Variants in SIPA1L2 observed in about 807,000 individuals in gnomAD.
SIPA1L2 encodes signal induced proliferation associated 1 like 2, also known as signal-induced proliferation-associated 1-like protein 2.
SIPA1L2 carries 56 observed loss-of-function variants against 163.9 expected under a neutral mutation model. The observed-to-expected ratio is 0.34, with a 90% confidence interval of 0.28 to 0.43. SIPA1L2 has a LOEUF of 0.43. SIPA1L2 is among the 20% of genes least tolerant of loss of function. SIPA1L2 has a pLI of 1.00. For synonymous variants in SIPA1L2, 877 were observed against 865.7 expected (o/e 1.01, Z -0.23); for missense variants, 1,974 against 2,193.5 (o/e 0.90, Z 2.00).
At chr1:232,492,529 A>G (rs1268105650) in intron 4 of SIPA1L2, among the ~76,000 whole-genome samples, 2 of 152,182 alleles carry the variant, frequency 1.3e-5, no homozygotes, top group Admixed American at 6.5e-5. Context: ...AATTCTTTAT[A>G]TAAATCAATA....
chr1:232,420,131 G>A (rs1661483277), intron 18 of SIPA1L2, among the ~76,000 whole-genome samples: 1 of 152,038 alleles, frequency 6.6e-6, no homozygotes, highest in Non-Finnish European at 1.5e-5. Flanking sequence ...AGACCAACCT[G>A]GCTAACATGG....
intron 3 of SIPA1L2, among the ~76,000 whole-genome samples, chr1:232,501,490 A>G (rs1267295338): frequency 6.6e-6 from 1 of 152,050 alleles, no homozygotes; most frequent in African/African-American, 2.4e-5. Context: ...TGTCCCAGGG[A>G]AGGCACCTCC....
At chr1:232,512,632 C>T (rs1017647283) in intron 3 of SIPA1L2, among the ~76,000 whole-genome samples, 3 of 152,044 alleles carry the variant, frequency 2.0e-5, no homozygotes, top group Admixed American at 6.6e-5. Flanking sequence ...GAAAACCAAA[C>T]GCTGCATGTT....
intron 10 of SIPA1L2, among the ~76,000 whole-genome samples, chr1:232,452,352 C>A (rs371502143): frequency 1.3e-4 from 20 of 152,144 alleles, no homozygotes; most frequent in African/African-American, 4.8e-4. Context: ...ACAGACACCA[C>A]GGTCACTGCC....
At chr1:232,431,804 C>G (rs937933584) in intron 16 of SIPA1L2, among the ~76,000 whole-genome samples, 2 of 152,214 alleles carry the variant, frequency 1.3e-5, no homozygotes, top group South Asian at 2.1e-4. Flanking sequence ...ACCACGCCCC[C>G]CTCAACCTCA....
In SIPA1L2 at chr1:232,424,957, C is replaced by T. The variant is rs560248558; in HGVS notation, c.4630+632G>A. 2.8e-4 allele frequency among the ~76,000 whole-genome samples: 42 copies of T among 152,216 alleles called. 1 individual carries two copies. The South Asian group carries it at 8.5e-3, about 31-fold the overall frequency. On this transcript the variant is annotated intron_variant, in intron 18 of 22. Coordinates refer to ENST00000674635, the MANE Select transcript of SIPA1L2 (RefSeq NM_020808.5). ...CCTTAAAAACTGACATTAATGAAGACTTGACACTACATAAAAATCAAAGAT... is the reference window on the plus strand; with the variant it reads ...CCTTAAAAACTGACATTAATGAAGATTTGACACTACATAAAAATCAAAGAT...
intron 2 of SIPA1L2, among the ~76,000 whole-genome samples, chr1:232,534,086 A>G (rs1657155676): frequency 6.6e-6 from 1 of 151,682 alleles, no homozygotes; most frequent in South Asian, 2.1e-4. Flanking sequence ...AGCCAAAACA[A>G]TCTTGAAAAA....
At chr1:232,579,934 G>A (rs1292482377) in intron 1 of SIPA1L2, among the ~76,000 whole-genome samples, 2 of 152,168 alleles carry the variant, frequency 1.3e-5, no homozygotes, top group East Asian at 1.9e-4. Context: ...CCAGGAGAGG[G>A]TTCTTGGGTC....
At chr1:232,495,839 T>C (rs1384540047) in intron 3 of SIPA1L2, among the ~76,000 whole-genome samples, 1 of 152,094 alleles carries the variant, frequency 6.6e-6, no homozygotes, top group Non-Finnish European at 1.5e-5. Context: ...GAAAAGTAAA[T>C]TCTTTTAAGT....
At chr1:232,578,785 G>C (rs191068171) in intron 1 of SIPA1L2, among the ~76,000 whole-genome samples, 2 of 152,062 alleles carry the variant, frequency 1.3e-5, no homozygotes, top group African/African-American at 4.8e-5. Flanking sequence ...TTTAACTGAC[G>C]GCTTTTGTTT....
At chr1:232,592,525 GAAAAT>G (rs1362797049) in intron 1 of SIPA1L2, among the ~76,000 whole-genome samples, 2 of 152,116 alleles carry the variant, frequency 1.3e-5, no homozygotes. Flanking sequence ...GTTTATATGT[GAAAAT>G]AAAATAAAAA....
intron 1 of SIPA1L2, among the ~76,000 whole-genome samples, chr1:232,576,086 G>A (rs753438689): frequency 1.2e-4 from 19 of 152,196 alleles, no homozygotes; most frequent in Admixed American, 2.6e-4. Context: ...AATGGATGAT[G>A]GTGATGGTTG....
At chr1:232,546,770 T>C (rs1025685388) in intron 2 of SIPA1L2, among the ~76,000 whole-genome samples, 3 of 152,214 alleles carry the variant, frequency 2.0e-5, no homozygotes, top group Non-Finnish European at 4.4e-5. Flanking sequence ...TTAAGACATG[T>C]TGACAGCGAT....
intron 9 of SIPA1L2, among the ~76,000 whole-genome samples, chr1:232,461,432 G>A (rs1261612876): frequency 6.6e-6 from 1 of 152,248 alleles, no homozygotes; most frequent in Non-Finnish European, 1.5e-5. Flanking sequence ...AGTCATATCT[G>A]TTCTTGATAC....
intron 2 of SIPA1L2, among the ~76,000 whole-genome samples, chr1:232,517,084 G>T (rs1372074979): frequency 6.6e-6 from 1 of 152,068 alleles, no homozygotes; most frequent in African/African-American, 2.4e-5. Context: ...TTATTTTACA[G>T]GTCACTTGTG....
rs781777041 is a variant in SIPA1L2, at chr1:232,415,547, G to A, written c.4709C>T (p.Thr1570Ile). The A allele has an allele frequency of 6.2e-7, 1 of 1,613,868 alleles. No homozygotes were observed. Among genetic ancestry groups the A allele is most frequent in the South Asian group, 1.1e-5 (1 of 91,000 alleles). The change falls in exon 19 of 23, where the codon ACA becomes ATA. Residue 1570 changes from threonine to isoleucine, a missense_variant. Thr to Ile is a moderately conservative substitution (Grantham distance 89). This residue lies in a region of SIPA1L2 where 1,079 missense variants were observed against 1,150.7 expected (regional missense o/e 0.94). Transcript: ENST00000674635. ...ADPGLMPLPD[T>I]ATGLDWTHLV... is the part of the protein sequence containing the mutation. ...GTGGGTCCAATCTAACCCTGTGGCT[G>A]TGTCCGGGAGGGGCATCAGGCCAGG... is the stretch of plus-strand genomic sequence containing the variant.
chr1:232,490,790 A>G, intron 5 of SIPA1L2, 84 bp downstream of exon 5: 2 of 1,303,608 alleles, frequency 1.5e-6, no homozygotes, highest in Non-Finnish European at 2.1e-6. Context: ...ATGATCTTAC[A>G]AGAAAGATGG....
intron 2 of SIPA1L2, among the ~76,000 whole-genome samples, chr1:232,518,563 A>C (rs1353220871): frequency 6.6e-6 from 1 of 152,110 alleles, no homozygotes; most frequent in African/African-American, 2.4e-5. Context: ...TCAAGTCTTC[A>C]AACAGCCCAC....
chr1:232,478,457 T>C (rs1665155783), intron 7 of SIPA1L2, among the ~76,000 whole-genome samples: 1 of 152,182 alleles, frequency 6.6e-6, no homozygotes. Context: ...GGGGAGGTAG[T>C]TGGCTGGTTT....
Sources: allele counts gnomAD v4.1 joint callset (sites outside exome capture counted in the v4.1 genomes callset), GRCh38; gene constraint gnomAD v4.1.1; regional missense constraint gnomAD v4.1.1; transcripts MANE v1.5; gene names NCBI Gene and HGNC (gene_info 2026-07-23, HGNC 2026-07-21).